Variants in CCSER1 observed in about 807,000 individuals in gnomAD.
The protein encoded by CCSER1 is coiled-coil serine rich protein 1, also known as serine-rich coiled-coil domain-containing protein 1.
In CCSER1, 41 loss-of-function variants were observed where a neutral mutation model predicts 82.0. The observed-to-expected ratio is 0.50, with a 90% CI of 0.39 to 0.65. The LOEUF is 0.65. CCSER1 is among the 30% of genes least tolerant of loss of function. CCSER1 has a pLI of 0.00. For missense variants in CCSER1, 1,119 were observed against 1,064.2 expected (o/e 1.05, Z -0.72); for synonymous variants, 414 against 383.9 (o/e 1.08, Z -0.92).
intron 10 of CCSER1, among the ~76,000 whole-genome samples, chr4:91,477,802 A>G (rs1026645750): frequency 6.6e-6 from 1 of 151,786 alleles, no homozygotes; most frequent in Non-Finnish European, 1.5e-5. Context: ...TTAAAACAAC[A>G]CACCAAATCA....
At chr4:91,018,844 T>C (rs1184858847) in intron 9 of CCSER1, among the ~76,000 whole-genome samples, 1 of 152,066 alleles carries the variant, frequency 6.6e-6, no homozygotes, top group African/African-American at 2.4e-5. Context: ...CATCAGAAGG[T>C]CTCCTTGACT....
chr4:90,209,768 T>A (rs990557146), intron 1 of CCSER1, among the ~76,000 whole-genome samples: 2 of 151,258 alleles, frequency 1.3e-5, no homozygotes, highest in East Asian at 3.9e-4. Flanking sequence ...GTTTGTCTAG[T>A]GTTTTTTTTT....
chr4:90,877,705 GA>G (rs929814363), intron 8 of CCSER1, among the ~76,000 whole-genome samples: 31 of 137,416 alleles, frequency 2.3e-4, no homozygotes, highest in African/African-American at 7.3e-4. Context: ...AGAATAGAAG[GA>G]AAAAAAAAGA....
chr4:91,372,259 G>A (rs934430629), intron 10 of CCSER1, among the ~76,000 whole-genome samples: 1 of 152,178 alleles, frequency 6.6e-6, no homozygotes, highest in East Asian at 1.9e-4. Flanking sequence ...GCTTGTACTA[G>A]AGGTTTATTC....
chr4:91,254,352 C>T (rs769062516), intron 10 of CCSER1, among the ~76,000 whole-genome samples: 11 of 152,060 alleles, frequency 7.2e-5, no homozygotes, highest in Non-Finnish European at 1.2e-4. Flanking sequence ...TATATGTATA[C>T]GATGGAATAT....
chr4:90,229,852 C>A (rs866422218), intron 1 of CCSER1, among the ~76,000 whole-genome samples: 11 of 152,132 alleles, frequency 7.2e-5, no homozygotes, highest in Admixed American at 1.3e-4. Flanking sequence ...TTTAAACCAA[C>A]AAAGATCAAA....
In CCSER1 at chr4:91,022,273, A is replaced by G. The variant is rs1414675009; in HGVS notation, c.2173-63677A>G. On this transcript the variant is annotated intron_variant, in intron 9 of 10. Transcript: ENST00000509176. The stretch of plus-strand genomic sequence containing the variant: ...GGTGTTTGGTTTTTTTGTCCTTGTG[A>G]TAGTTTGCTGAGAATGATGGTTTCC... Among the ~76,000 whole-genome samples, 4 of 149,642 alleles carry G rather than the reference A, an allele frequency of 2.7e-5. 1 individual carries two copies. In the Admixed American group the frequency reaches 2.7e-4, roughly 10 times the overall value.
At chr4:91,542,431 T>G (rs1761653051) in intron 10 of CCSER1, among the ~76,000 whole-genome samples, 1 of 152,162 alleles carries the variant, frequency 6.6e-6, no homozygotes, top group Non-Finnish European at 1.5e-5. Context: ...GGATCCAGTT[T>G]CAGCTTTCTA....
intron 8 of CCSER1, among the ~76,000 whole-genome samples, chr4:90,922,119 G>C (rs1169525029): frequency 6.6e-6 from 1 of 152,016 alleles, no homozygotes; most frequent in Non-Finnish European, 1.5e-5. Context: ...TTTGTGATTA[G>C]GGAAGTCAGA....
At chr4:91,282,450 G>A (rs919125343) in intron 10 of CCSER1, among the ~76,000 whole-genome samples, 1 of 152,116 alleles carries the variant, frequency 6.6e-6, no homozygotes, top group African/African-American at 2.4e-5. Context: ...CAATTTTATA[G>A]ATTATTATGC....
intron 7 of CCSER1, among the ~76,000 whole-genome samples, chr4:90,794,039 T>A (rs1755639597): frequency 1.3e-5 from 2 of 152,230 alleles, no homozygotes; most frequent in African/African-American, 4.8e-5. Context: ...TTTGTTTTAG[T>A]TCCTTACAGA....
chr4:90,228,980 G>A (rs970289854), intron 1 of CCSER1, among the ~76,000 whole-genome samples: 3 of 152,128 alleles, frequency 2.0e-5, no homozygotes, highest in African/African-American at 4.8e-5. Flanking sequence ...GTGTAAAGAC[G>A]AAATCTACGT....
intron 10 of CCSER1, among the ~76,000 whole-genome samples, chr4:91,201,910 T>C (rs1480892460): frequency 6.6e-6 from 1 of 152,026 alleles, no homozygotes; most frequent in Non-Finnish European, 1.5e-5. Context: ...CAATAGGCCA[T>C]TATGGTTTAT....
At chr4:91,381,794 G>A (rs777755299) in intron 10 of CCSER1, among the ~76,000 whole-genome samples, 4 of 152,234 alleles carry the variant, frequency 2.6e-5, no homozygotes, top group African/African-American at 4.8e-5. Context: ...GAGGATCTGA[G>A]TTTCTTTGGA....
chr4:91,563,196 C>T (rs1398901905), intron 10 of CCSER1, among the ~76,000 whole-genome samples: 1 of 151,758 alleles, frequency 6.6e-6, no homozygotes, highest in South Asian at 2.1e-4. Flanking sequence ...TACCCTAATA[C>T]TAAAGTCAGG....
At chr4:90,162,142 G>A (rs1211658826) in intron 1 of CCSER1, among the ~76,000 whole-genome samples, 1 of 152,010 alleles carries the variant, frequency 6.6e-6, no homozygotes, top group Admixed American at 6.6e-5. Context: ...TTTCTCTCAG[G>A]CTTATGTTCT....
chr4:91,501,252 T>C (rs1168439856), intron 10 of CCSER1, among the ~76,000 whole-genome samples: 2 of 151,896 alleles, frequency 1.3e-5, no homozygotes, highest in Non-Finnish European at 1.5e-5. Context: ...TTATTTATGA[T>C]CCCATTCCTT....
At chr4:90,558,006 T>C (rs933330582) in intron 5 of CCSER1, among the ~76,000 whole-genome samples, 4 of 152,134 alleles carry the variant, frequency 2.6e-5, no homozygotes, top group Admixed American at 1.3e-4. Context: ...TAATATAGGG[T>C]TTATTTGCTG....
intron 8 of CCSER1, among the ~76,000 whole-genome samples, chr4:90,900,098 T>C (rs536606998): frequency 2.7e-5 from 4 of 148,600 alleles, no homozygotes; most frequent in African/African-American, 9.8e-5. Context: ...CCCAGAGTTT[T>C]TTTTTTTTTT....
Sources: gnomAD v4.1 joint callset for allele counts (sites outside exome capture counted in the v4.1 genomes callset) on GRCh38, gnomAD v4.1.1 for gene constraint, MANE v1.5 for transcripts, NCBI Gene and HGNC (gene_info 2026-07-23, HGNC 2026-07-21) for gene names.